The following SAMMSON variants were observed in gnomAD, a reference collection of about 807,000 sequenced individuals.
SAMMSON encodes survival associated mitochondrial melanoma specific oncogenic non-coding RNA.
At chr3:70,212,181 G>T (rs1299136580) in intron 4 of SAMMSON, among the ~76,000 whole-genome samples, 4 of 152,118 alleles carry the variant, frequency 2.6e-5, no homozygotes, top group Non-Finnish European at 5.9e-5. Context: ...TCCTGGCACT[G>T]CGCTAACCAC....
At chr3:70,180,037 T>C (rs1426970861) in intron 4 of SAMMSON, among the ~76,000 whole-genome samples, 2 of 151,378 alleles carry the variant, frequency 1.3e-5, no homozygotes, top group African/African-American at 4.9e-5. Flanking sequence ...TGCGCGCACG[T>C]GTGTGTGAAG....
At chr3:70,210,550 T>G (rs955427626) in intron 4 of SAMMSON, among the ~76,000 whole-genome samples, 11 of 152,106 alleles carry the variant, frequency 7.2e-5, no homozygotes, top group Non-Finnish European at 7.4e-5. Context: ...ATTGTATTAT[T>G]CGACATTGCA....
chr3:70,408,799 C>A (rs1003548319), intron 2 of SAMMSON, among the ~76,000 whole-genome samples: 1 of 152,152 alleles, frequency 6.6e-6, no homozygotes, highest in African/African-American at 2.4e-5. Flanking sequence ...TTCAGCAATG[C>A]CCCTCTCTAC....
intron 4 of SAMMSON, among the ~76,000 whole-genome samples, chr3:70,119,451 T>G (rs1302432383): frequency 6.6e-6 from 1 of 152,092 alleles, no homozygotes; most frequent in Admixed American, 6.6e-5. Context: ...TGGGCTGAAA[T>G]AGCACATAGA....
At chr3:70,408,740 T>G (rs1335937519) in intron 2 of SAMMSON, among the ~76,000 whole-genome samples, 1 of 152,192 alleles carries the variant, frequency 6.6e-6, no homozygotes, top group Non-Finnish European at 1.5e-5. Context: ...TGTTCCAAAC[T>G]CTGCCTGTTA....
intron 7 of SAMMSON, among the ~76,000 whole-genome samples, chr3:70,311,586 A>G (rs1702453527): frequency 6.6e-6 from 1 of 152,220 alleles, no homozygotes; most frequent in Non-Finnish European, 1.5e-5. Context: ...AAAAATCTAC[A>G]GCACTGCAAA....
At chr3:70,281,489 A>G (rs1475900114) in intron 6 of SAMMSON, among the ~76,000 whole-genome samples, 5 of 152,158 alleles carry the variant, frequency 3.3e-5, no homozygotes, top group Admixed American at 6.5e-5. Flanking sequence ...TCTGACATGC[A>G]TTTTCCTTAA....
At chr3:70,004,634 C>T (rs1309716235) in intron 1 of SAMMSON, among the ~76,000 whole-genome samples, 2 of 152,152 alleles carry the variant, frequency 1.3e-5, no homozygotes, top group Non-Finnish European at 2.9e-5. Flanking sequence ...ACATTTACAA[C>T]ATTTTTTAAA....
chr3:70,019,196 G>A lies in SAMMSON; in HGVS notation n.417+5524G>A, dbSNP rs762354463. Among the ~76,000 whole-genome samples, 18 of 152,160 alleles carry A rather than the reference G, an allele frequency of 1.2e-4. No homozygotes were observed. In the East Asian group the frequency reaches 2.5e-3, roughly 21 times the overall value. On this transcript the variant is annotated intron_variant and non_coding_transcript_variant, in intron 3 of 9. Transcript: ENST00000642114. ...TGACAGTGGGGTGTTAAAGTCTCCC[G>A]TTATTATTGTGTGGGAGTCTAAGTC...
chr3:70,408,369 C>G (rs1473023113), intron 2 of SAMMSON, among the ~76,000 whole-genome samples: 2 of 152,226 alleles, frequency 1.3e-5, no homozygotes, highest in Non-Finnish European at 2.9e-5. Flanking sequence ...TGCACATTTT[C>G]TGAACTTTTA....
At chr3:70,343,807 C>G (rs899497017) in intron 7 of SAMMSON, among the ~76,000 whole-genome samples, 2 of 151,716 alleles carry the variant, frequency 1.3e-5, no homozygotes, top group African/African-American at 2.4e-5. Flanking sequence ...TTGTTCTGTA[C>G]ATAGGATTTG....
intron 4 of SAMMSON, chr3:70,126,056 G>T: frequency 1.9e-6 from 2 of 1,048,778 alleles, no homozygotes; most frequent in Non-Finnish European, 2.9e-6. Flanking sequence ...TTCATAAGAT[G>T]AAGGACCTGT....
At chr3:70,161,825 T>C (rs1215659179) in intron 4 of SAMMSON, among the ~76,000 whole-genome samples, 1 of 151,828 alleles carries the variant, frequency 6.6e-6, no homozygotes, top group Non-Finnish European at 1.5e-5. Flanking sequence ...AATTAAATTA[T>C]TTTCTTTATT....
chr3:70,212,062 C>T (rs532781697), intron 4 of SAMMSON, among the ~76,000 whole-genome samples: 20 of 152,132 alleles, frequency 1.3e-4, no homozygotes, highest in Admixed American at 4.6e-4. Context: ...CCTTGAAGGC[C>T]GTATTTGTCC....
intron 4 of SAMMSON, among the ~76,000 whole-genome samples, chr3:70,183,025 G>A (rs1048987402): frequency 1.3e-5 from 2 of 152,154 alleles, no homozygotes; most frequent in African/African-American, 4.8e-5. Flanking sequence ...GGGAAAAGTA[G>A]GCATTTGGGT....
intron 6 of SAMMSON, among the ~76,000 whole-genome samples, chr3:70,257,168 A>G (rs1701824658): frequency 6.6e-6 from 1 of 152,210 alleles, no homozygotes; most frequent in Non-Finnish European, 1.5e-5. Context: ...ATCATAGGAA[A>G]TTTTGTGAAC....
intron 6 of SAMMSON, among the ~76,000 whole-genome samples, chr3:70,274,544 C>T (rs758202059): frequency 6.6e-6 from 1 of 152,114 alleles, no homozygotes; most frequent in Non-Finnish European, 1.5e-5. Context: ...AAACCAAACA[C>T]TGCATGCTCT....
At chr3:70,271,756 C>G (rs1221236595) in intron 6 of SAMMSON, 1 of 152,096 alleles carries the variant, frequency 6.6e-6, no homozygotes, top group Non-Finnish European at 1.5e-5. Flanking sequence ...ATGGCTCACA[C>G]TTATTTTTTA....
chr3:70,058,343 T>C (rs1386098470), intron 3 of SAMMSON, among the ~76,000 whole-genome samples: 1 of 151,982 alleles, frequency 6.6e-6, no homozygotes, highest in African/African-American at 2.4e-5. Context: ...AGTTAAAAGT[T>C]TGTCTTAGTT....
Sources: allele counts gnomAD v4.1 joint callset (sites outside exome capture counted in the v4.1 genomes callset), GRCh38; gene constraint gnomAD v4.1.1; transcripts MANE v1.5; gene names NCBI Gene and HGNC (gene_info 2026-07-23, HGNC 2026-07-21).